KIAA1217: variants seen among roughly 807,000 people sequenced by gnomAD.
The protein encoded by KIAA1217 is sickle tail protein homolog.
In KIAA1217, 88 loss-of-function variants were observed where a neutral mutation model predicts 163.9. The observed-to-expected ratio is 0.54, with a 90% CI of 0.45 to 0.64. The LOEUF (loss-of-function observed/expected upper bound fraction) is 0.64, where lower values mean the gene tolerates loss of function less well. KIAA1217 is among the 30% of genes least tolerant of loss of function. The probability of loss-of-function intolerance (pLI) is 0.00; values close to 1 mark genes in which losing one functional copy is unlikely to be tolerated. For synonymous variants in KIAA1217, 903 were observed against 923.1 expected, an observed-to-expected ratio of 0.98 and a Z score of 0.39; for missense variants, 2,372 against 2,475.0, an observed-to-expected ratio of 0.96 and a Z score of 0.88.
At chr10:24,143,510 A>G (rs563154823) in intron 2 of KIAA1217, among the ~76,000 whole-genome samples, 1 of 152,110 alleles carries the variant, frequency 6.6e-6, no homozygotes, top group South Asian at 2.1e-4. Flanking sequence ...TGATCCACCC[A>G]CCTCGGCCTC....
intron 1 of KIAA1217, among the ~76,000 whole-genome samples, chr10:23,960,931 T>C (rs1844793951): frequency 6.6e-6 from 1 of 152,222 alleles, no homozygotes; most frequent in African/African-American, 2.4e-5. Flanking sequence ...CCTTCAGATA[T>C]CAAAGTCACT....
chr10:24,492,922 T>C (rs570887866), intron 6 of KIAA1217, among the ~76,000 whole-genome samples: 17 of 152,144 alleles, frequency 1.1e-4, no homozygotes, highest in Middle Eastern at 6.8e-3. Context: ...CTCAGCTCAC[T>C]GTAGCCTCCA....
chr10:24,435,148 G>C (rs1270322740), intron 4 of KIAA1217, among the ~76,000 whole-genome samples: 1 of 152,174 alleles, frequency 6.6e-6, no homozygotes, highest in East Asian at 1.9e-4. Flanking sequence ...CATGTGCCCA[G>C]GTGTATGAGT....
intron 2 of KIAA1217, among the ~76,000 whole-genome samples, chr10:24,045,436 C>T (rs934452898): frequency 7.9e-5 from 12 of 151,936 alleles, no homozygotes; most frequent in African/African-American, 2.9e-4. Flanking sequence ...TTTCTTTCTC[C>T]GTATTTGCTC....
At chr10:24,428,784 T>TGAGGCTGC (rs2059366889) in intron 3 of KIAA1217, among the ~76,000 whole-genome samples, 1 of 151,112 alleles carries the variant, frequency 6.6e-6, no homozygotes, top group South Asian at 2.1e-4. Flanking sequence ...GCCAGTAGTT[T>TGAGGCTGC]GAGGCTGCAG....
At chr10:24,468,941 C>T (rs762664617) in intron 5 of KIAA1217, among the ~76,000 whole-genome samples, 3 of 152,070 alleles carry the variant, frequency 2.0e-5, no homozygotes, top group Admixed American at 6.6e-5. Flanking sequence ...TTATATATCT[C>T]CTAACCATTT....
intron 1 of KIAA1217, among the ~76,000 whole-genome samples, chr10:23,833,479 T>TAAA (rs1278632576): frequency 3.2e-5 from 4 of 124,684 alleles, no homozygotes; most frequent in Non-Finnish European, 6.9e-5. Flanking sequence ...TGAGACTGTC[T>TAAA]AAAAAAAAAA....
intron 2 of KIAA1217, among the ~76,000 whole-genome samples, chr10:24,035,395 C>T (rs1303122923): frequency 6.6e-6 from 1 of 152,156 alleles, no homozygotes; most frequent in Non-Finnish European, 1.5e-5. Context: ...CTTGGGGTAC[C>T]TGATGCCTTT....
chr10:24,520,118 C>A lies in KIAA1217; in HGVS notation c.2178-5C>A. 6.2e-7 allele frequency: 1 copy of A among 1,613,514 alleles called. No homozygotes were observed. The highest frequency in any genetic ancestry group is 8.5e-7 in the Non-Finnish European group (1 of 1,179,618). On this transcript the variant is annotated splice_polypyrimidine_tract_variant and splice_region_variant and intron_variant, in intron 10 of 20. Coordinates refer to ENST00000376454, the MANE Select transcript of KIAA1217 (RefSeq NM_019590.5). ...CTCTATGTGCTGGTGTCCTTGCTCC[C>A]GCAGCGAGTTGGAAGACTTTGTTGA...
chr10:24,027,070 C>A (rs1308156388), intron 2 of KIAA1217, among the ~76,000 whole-genome samples: 1 of 151,788 alleles, frequency 6.6e-6, no homozygotes, highest in South Asian at 2.1e-4. Flanking sequence ...TAAAAAATAT[C>A]TTTCTGTTAC....
chr10:24,289,916 G>A (rs540447431), intron 2 of KIAA1217, among the ~76,000 whole-genome samples: 1 of 152,112 alleles, frequency 6.6e-6, no homozygotes, highest in Non-Finnish European at 1.5e-5. Context: ...TTTAATAGTA[G>A]GCTGAAAGAA....
intron 2 of KIAA1217, among the ~76,000 whole-genome samples, chr10:24,260,948 A>G (rs984704249): frequency 6.6e-6 from 1 of 152,180 alleles, no homozygotes; most frequent in African/African-American, 2.4e-5. Flanking sequence ...GAAAGGTGAC[A>G]TAATAATGGG....
At chr10:24,294,316 T>G (rs2079463958) in intron 2 of KIAA1217, among the ~76,000 whole-genome samples, 1 of 152,120 alleles carries the variant, frequency 6.6e-6, no homozygotes, top group Non-Finnish European at 1.5e-5. Context: ...ATTTCACTCT[T>G]TTCCCCTACT....
intron 2 of KIAA1217, among the ~76,000 whole-genome samples, chr10:24,045,464 A>T (rs1380833837): frequency 6.6e-6 from 1 of 151,480 alleles, no homozygotes; most frequent in Non-Finnish European, 1.5e-5. Flanking sequence ...CTCTTTATGG[A>T]CCTCCTAGGA....
rs544954546 is a variant in KIAA1217, at chr10:24,300,757, G to C, written c.355-80112G>C. Among the ~76,000 whole-genome samples the C allele has an allele frequency of 8.6e-5, 13 of 152,018 alleles. No homozygotes were observed. In the East Asian group the frequency reaches 2.5e-3, roughly 29 times the overall value. ...TAATTTTGTATTTTTAGTAGAGATG[G>C]GGTTTCACCATGTTGGCCAGGCTGG... On this transcript the variant is annotated intron_variant, in intron 2 of 20. Coordinates refer to ENST00000376454, the MANE Select transcript of KIAA1217 (RefSeq NM_019590.5).
intron 1 of KIAA1217, among the ~76,000 whole-genome samples, chr10:23,780,710 C>T (rs924425511): frequency 2.6e-5 from 4 of 152,118 alleles, no homozygotes; most frequent in Non-Finnish European, 5.9e-5. Context: ...AATGGAGTTT[C>T]ACTCTTGTTG....
chr10:24,039,636 T>G (rs1848542127), intron 2 of KIAA1217, among the ~76,000 whole-genome samples: 1 of 152,170 alleles, frequency 6.6e-6, no homozygotes, highest in Admixed American at 6.5e-5. Flanking sequence ...AGTGCATTTT[T>G]GACTTACCCT....
intron 1 of KIAA1217, among the ~76,000 whole-genome samples, chr10:24,217,109 A>G (rs1342502879): frequency 6.6e-6 from 1 of 151,630 alleles, no homozygotes; most frequent in African/African-American, 2.4e-5. Flanking sequence ...TATGAAACAC[A>G]TGCACAGCAC....
intron 5 of KIAA1217, among the ~76,000 whole-genome samples, chr10:24,443,943 C>G (rs947794199): frequency 6.6e-6 from 1 of 151,928 alleles, no homozygotes; most frequent in Non-Finnish European, 1.5e-5. Context: ...GATGGGGGTA[C>G]CTTTTATTGT....
Sources: gnomAD v4.1 joint callset for allele counts (sites outside exome capture counted in the v4.1 genomes callset) on GRCh38, gnomAD v4.1.1 for gene constraint, MANE v1.5 for transcripts, NCBI Gene and HGNC (gene_info 2026-07-23, HGNC 2026-07-21) for gene names.